The following PVT1 variants were observed in gnomAD, a reference collection of about 807,000 sequenced individuals.
PVT1 encodes the protein CXCR4/PVT1 fusion.
At chr8:127,829,987 T>A (rs1425401092) in intron 2 of PVT1, among the ~76,000 whole-genome samples, 1 of 152,220 alleles carries the variant, frequency 6.6e-6, no homozygotes, top group Non-Finnish European at 1.5e-5. Flanking sequence ...TACATAGCCT[T>A]CTTCCCTCTG....
chr8:127,984,828 T>TTTC, intron 3 of PVT1, among the ~76,000 whole-genome samples: 1 of 123,024 alleles, frequency 8.1e-6, no homozygotes, highest in Non-Finnish European at 1.8e-5. Context: ...GGCTGGTTTC[T>TTTC]TTCTTTTCTT....
At chr8:127,831,154 T>A (rs1814846279) in intron 2 of PVT1, among the ~76,000 whole-genome samples, 1 of 140,578 alleles carries the variant, frequency 7.1e-6, no homozygotes, top group Admixed American at 6.8e-5. Flanking sequence ...TCTCTCTCTC[T>A]CTATATATAT....
At chr8:127,888,937 G>A (rs1365290506) in intron 2 of PVT1, among the ~76,000 whole-genome samples, 1 of 152,048 alleles carries the variant, frequency 6.6e-6, no homozygotes, top group Non-Finnish European at 1.5e-5. Context: ...GGCAGTAATC[G>A]TTGCTTTTGA....
At chr8:127,871,649 A>G (rs1004264207) in intron 2 of PVT1, among the ~76,000 whole-genome samples, 3 of 152,180 alleles carry the variant, frequency 2.0e-5, no homozygotes, top group Non-Finnish European at 4.4e-5. Flanking sequence ...TTTTTGACCC[A>G]TATCCAGGAA....
chr8:127,842,135 A>G (rs1482364266), intron 2 of PVT1, among the ~76,000 whole-genome samples: 3 of 151,374 alleles, frequency 2.0e-5, no homozygotes, highest in Admixed American at 6.6e-5. Context: ...AAACTTTTGC[A>G]GAAATAGTTT....
intron 3 of PVT1, among the ~76,000 whole-genome samples, chr8:127,920,851 A>G (rs1391910847): frequency 6.6e-6 from 1 of 152,238 alleles, no homozygotes; most frequent in Non-Finnish European, 1.5e-5. Context: ...CAGGTGATTA[A>G]CTTTGGCACT....
chr8:128,008,899 A>G (rs757234576), intron 4 of PVT1: 1 of 519,752 alleles, frequency 1.9e-6, no homozygotes, highest in Non-Finnish European at 4.0e-6. Context: ...TTTTCATATC[A>G]GTGTTCATGT....
chr8:128,092,441 C>T (rs772761862), intron 5 of PVT1, among the ~76,000 whole-genome samples: 9 of 152,148 alleles, frequency 5.9e-5, no homozygotes, highest in Non-Finnish European at 1.3e-4. Flanking sequence ...CAGTTTTTGC[C>T]ATTACCTTTA....
chr8:127,823,199 TG>T (rs769984474), intron 2 of PVT1, among the ~76,000 whole-genome samples: 3 of 152,110 alleles, frequency 2.0e-5, no homozygotes, highest in Non-Finnish European at 4.4e-5. Context: ...TATCTAAAGG[TG>T]GTTTCTGCTC....
At chr8:127,976,487 G>T (rs1314876988) in intron 3 of PVT1, among the ~76,000 whole-genome samples, 1 of 152,160 alleles carries the variant, frequency 6.6e-6, no homozygotes, top group East Asian at 1.9e-4. Flanking sequence ...TAGGGTTATA[G>T]TCCTCCTGCT....
intron 3 of PVT1, among the ~76,000 whole-genome samples, chr8:127,908,017 G>C (rs992610086): frequency 6.6e-6 from 1 of 152,198 alleles, no homozygotes; most frequent in Non-Finnish European, 1.5e-5. Context: ...ATGCCTTCCA[G>C]TGACTAAGGA....
At chr8:127,869,892 C>T (rs1372769147) in intron 2 of PVT1, among the ~76,000 whole-genome samples, 2 of 152,144 alleles carry the variant, frequency 1.3e-5, no homozygotes, top group African/African-American at 4.8e-5. Context: ...CAACCTCTGC[C>T]TCCTGGGTTC....
chr8:127,896,617 TG>T (rs368720870), intron 3 of PVT1, among the ~76,000 whole-genome samples: 9 of 97,028 alleles, frequency 9.3e-5, no homozygotes, highest in African/African-American at 3.5e-4. Context: ...ATTTTTATTA[TG>T]TATGTATTTA....
chr8:128,063,241 A>G (rs758705532), intron 4 of PVT1, among the ~76,000 whole-genome samples: 29 of 152,148 alleles, frequency 1.9e-4, no homozygotes, highest in African/African-American at 6.0e-4. Context: ...GGCCAGGCAC[A>G]GTGGCTCAAG....
rs1554610811 is a variant in PVT1, at chr8:128,087,770, T to TG, written n.1115-8747dup. On this transcript the variant is annotated intron_variant and non_coding_transcript_variant, in intron 5 of 10. Transcript: ENST00000651587. ...TACTTTTTTTTTTTTTTTTTTTTTT[T>TG]GAGATGGAGTCTCGTTCTGTCTCCC... Among the ~76,000 whole-genome samples the TG allele has an allele frequency of 2.1e-4, 24 of 115,628 alleles. 1 individual carries two copies. Among genetic ancestry groups the TG allele is most frequent in the African/African-American group, 5.2e-4 (16 of 30,624 alleles). The allele number at this position is 115,628 out of a possible 152,430, so 75.9% of individuals were successfully genotyped here. A position where few individuals can be genotyped will look rare whatever the true frequency, so the allele number is the denominator to read the frequency against.
At chr8:128,067,020 G>A (rs1813919192) in intron 4 of PVT1, among the ~76,000 whole-genome samples, 1 of 152,024 alleles carries the variant, frequency 6.6e-6, no homozygotes, top group Admixed American at 6.6e-5. Context: ...CTGTCCTGTG[G>A]GTATCCTTTA....
rs1489714021 is a variant in PVT1 at position 127,984,903 on chromosome 8, TTCTTTCTTTCTTTCTTTCTCTTTC to T, written n.783-4240_783-4217del. Among the ~76,000 whole-genome samples the T allele has an allele frequency of 3.7e-3, 326 of 88,450 alleles. 4 individuals are homozygous for T. The highest frequency in any genetic ancestry group is 0.011 in the African/African-American group (308 of 27,134). The allele number at this position is 88,450 out of a possible 152,430, so 58.0% of individuals were successfully genotyped here. A position where few individuals can be genotyped will look rare whatever the true frequency, so the allele number is the denominator to read the frequency against. ...TTTCTTTCTTTCTTTCTTTCTTTCTTTCTTTCTTTCTTTCTTTCTCTTTCTCTTTCTTTCTTTCTTTCCCCTTCC... is the reference window on the plus strand; with the variant it reads ...TTTCTTTCTTTCTTTCTTTCTTTCTTTCTTTCTTTCTTTCTTTCCCCTTCC... On this transcript the variant is annotated intron_variant and non_coding_transcript_variant, in intron 3 of 10. Coordinates refer to ENST00000651587, the Ensembl canonical transcript of PVT1.
At chr8:127,935,388 T>C (rs879325076) in intron 3 of PVT1, among the ~76,000 whole-genome samples, 1 of 152,144 alleles carries the variant, frequency 6.6e-6, no homozygotes, top group African/African-American at 2.4e-5. Context: ...CTTTTGCTTC[T>C]GAAGGTGAAC....
At chr8:128,094,948 C>T (rs1273201555) in intron 5 of PVT1, among the ~76,000 whole-genome samples, 1 of 152,148 alleles carries the variant, frequency 6.6e-6, no homozygotes, top group Non-Finnish European at 1.5e-5. Flanking sequence ...CTCGTGGTTC[C>T]AGATGTGGAT....
Sources: gnomAD v4.1 joint callset for allele counts (sites outside exome capture counted in the v4.1 genomes callset) on GRCh38, gnomAD v4.1.1 for gene constraint, MANE v1.5 for transcripts, NCBI Gene and HGNC (gene_info 2026-07-23, HGNC 2026-07-21) for gene names.